Variants in SNRPN observed in about 807,000 individuals in gnomAD.
SNRPN encodes small nuclear ribonucleoprotein-associated protein N.
A neutral mutation model predicts 25.2 loss-of-function variants in SNRPN; 7 were observed. That is an observed-to-expected ratio of 0.28 (90% CI 0.16 to 0.52). The LOEUF is 0.52. SNRPN is among the 20% of genes least tolerant of loss of function. The probability of loss-of-function intolerance (pLI) is 0.96; values close to 1 mark genes in which losing one functional copy is unlikely to be tolerated. For synonymous variants in SNRPN, 124 were observed against 110.6 expected, an observed-to-expected ratio of 1.12 and a Z score of -0.76; for missense variants, 196 against 322.5, an observed-to-expected ratio of 0.61 and a Z score of 3.00.
chr15:24,884,556 T>G (rs551219707), intron 1 of SNRPN, among the ~76,000 whole-genome samples: 1 of 152,168 alleles, frequency 6.6e-6, no homozygotes, highest in South Asian at 2.1e-4. Flanking sequence ...ACTGTGCTGG[T>G]ATGTAGACAC....
At chr15:24,945,199 A>G (rs1380900735) in intron 3 of SNRPN, among the ~76,000 whole-genome samples, 1 of 152,136 alleles carries the variant, frequency 6.6e-6, no homozygotes, top group Non-Finnish European at 1.5e-5. Context: ...CAATACATAA[A>G]CAAATGGCTG....
At chr15:24,920,792 T>A (rs2059982686) in intron 3 of SNRPN, among the ~76,000 whole-genome samples, 1 of 152,130 alleles carries the variant, frequency 6.6e-6, no homozygotes, top group Non-Finnish European at 1.5e-5. Context: ...GTTTTGTATG[T>A]TTATTATAGT....
intron 3 of SNRPN, among the ~76,000 whole-genome samples, chr15:24,923,523 T>C (rs2152658610): frequency 6.6e-6 from 1 of 152,326 alleles, no homozygotes; most frequent in East Asian, 1.9e-4. Context: ...AAGACATGTA[T>C]TTAAATGTTT....
At chr15:24,959,791 G>A (rs2153449149) in intron 1 of SNRPN, among the ~76,000 whole-genome samples, 1 of 152,286 alleles carries the variant, frequency 6.6e-6, no homozygotes, top group East Asian at 1.9e-4. Context: ...GGACATTTGA[G>A]TTGTTTCCAC....
intron 2 of SNRPN, chr15:24,908,858 TTTTTC>T (rs1369190954): frequency 1.6e-6 from 1 of 612,930 alleles, no homozygotes; most frequent in African/African-American, 1.9e-5. Flanking sequence ...TCTTTTTTTC[TTTTTC>T]TTTTTTTTTG....
At chr15:24,858,525 CA>C (rs1197865871) in intron 1 of SNRPN, among the ~76,000 whole-genome samples, 1 of 151,926 alleles carries the variant, frequency 6.6e-6, no homozygotes, top group African/African-American at 2.4e-5. Context: ...GAGCCTGGCA[CA>C]GTGGTCACAC....
chr15:24,937,719 T>C (rs2061322781), intron 3 of SNRPN, among the ~76,000 whole-genome samples: 1 of 152,226 alleles, frequency 6.6e-6, no homozygotes, highest in African/African-American at 2.4e-5. Flanking sequence ...GCTCTAGAAC[T>C]TTTTGTCTTA....
intron 1 of SNRPN, among the ~76,000 whole-genome samples, chr15:24,866,730 C>T (rs1429529607): frequency 2.0e-5 from 3 of 152,318 alleles, no homozygotes; most frequent in African/African-American, 2.4e-5. Context: ...TACCGTTCTA[C>T]ATCCCCACTT....
chr15:24,916,346 G>A (rs1595879908), intron 2 of SNRPN, among the ~76,000 whole-genome samples: 1 of 152,090 alleles, frequency 6.6e-6, no homozygotes, highest in Admixed American at 6.6e-5. Flanking sequence ...TGGGGGGAGA[G>A]AGAGACAAAG....
intron 3 of SNRPN, among the ~76,000 whole-genome samples, chr15:24,970,601 T>C (rs1566969754): frequency 6.6e-6 from 1 of 152,146 alleles, no homozygotes; most frequent in African/African-American, 2.4e-5. Context: ...GTGTTATGAA[T>C]ATTCTGTTTT....
upstream of SNRPN, among the ~76,000 whole-genome samples, chr15:24,951,105 C>G (rs2062236338): frequency 1.3e-5 from 2 of 152,132 alleles, no homozygotes; most frequent in South Asian, 4.1e-4. Context: ...AGGTGATCCA[C>G]CTGTCTCGGC....
intron 2 of SNRPN, among the ~76,000 whole-genome samples, chr15:24,915,266 T>A (rs2059442289): frequency 6.6e-6 from 1 of 152,024 alleles, no homozygotes; most frequent in South Asian, 2.1e-4. Context: ...TAGCTGGGAT[T>A]ACAGGCGTGC....
intron 9 of SNRPN, 24 bp from the exon 10 acceptor site, chr15:24,978,383 T>A: frequency 6.2e-7 from 1 of 1,614,074 alleles, no homozygotes; most frequent in Non-Finnish European, 8.5e-7. Flanking sequence ...CCTCTTTTTC[T>A]CAATGTTTCT....
chr15:24,893,419 C>A (rs1206085336), intron 2 of SNRPN, among the ~76,000 whole-genome samples: 2 of 151,950 alleles, frequency 1.3e-5, no homozygotes, highest in Admixed American at 6.6e-5. Flanking sequence ...GAGTTCCACA[C>A]CAGCCTGGGC....
chr15:24,832,832 G>A (rs1486736270), intron 2 of SNRPN, among the ~76,000 whole-genome samples: 3 of 152,012 alleles, frequency 2.0e-5, no homozygotes, highest in Admixed American at 1.3e-4. Context: ...GAGGCCGGGC[G>A]CGGTGGCTCA....
rs564543045 is a variant in SNRPN, at chr15:24,908,514, C to T, written c.-504-11497C>T. ...ACAGTAAAGGACATTCTGATGAAGT[C>T]TTAGATGGAAATGAGGGATATCTTA... is the stretch of plus-strand genomic sequence containing the variant. On this transcript the variant is annotated intron_variant, in intron 2 of 11. Coordinates refer to the SNRPN transcript ENST00000400097. Among the ~76,000 whole-genome samples, 3 of 152,152 alleles carry T rather than the reference C, an allele frequency of 2.0e-5. No homozygotes were observed. The South Asian group carries it at 6.2e-4, about 32-fold the overall frequency.
chr15:24,931,082 A>G (rs1157073818), intron 3 of SNRPN, among the ~76,000 whole-genome samples: 1 of 152,038 alleles, frequency 6.6e-6, no homozygotes, highest in Non-Finnish European at 1.5e-5. Context: ...AATAAATTCT[A>G]TAAAACTTTT....
intron 1 of SNRPN, among the ~76,000 whole-genome samples, chr15:24,957,385 G>A (rs1324534938): frequency 6.6e-6 from 1 of 152,210 alleles, no homozygotes; most frequent in East Asian, 1.9e-4. Flanking sequence ...CTTTGGATCA[G>A]TTACTGTCTT....
chr15:24,969,490 T>C (rs373016790), intron 3 of SNRPN, among the ~76,000 whole-genome samples: 21 of 152,330 alleles, frequency 1.4e-4, no homozygotes, highest in African/African-American at 5.1e-4. Context: ...TCTTGAATCC[T>C]TTATACACAA....
Sources: gnomAD v4.1 joint callset for allele counts (sites outside exome capture counted in the v4.1 genomes callset) on GRCh38, gnomAD v4.1.1 for gene constraint, MANE v1.5 for transcripts, NCBI Gene and HGNC (gene_info 2026-07-23, HGNC 2026-07-21) for gene names.